The following MACROD2 variants were observed in gnomAD, a reference collection of about 807,000 sequenced individuals.
MACROD2 encodes mono-ADP ribosylhydrolase 2.
In MACROD2, 36 loss-of-function variants were observed where a neutral mutation model predicts 70.4. That is an observed-to-expected ratio of 0.51 (90% CI 0.39 to 0.68). The LOEUF is 0.68. Among genes scored for constraint, MACROD2 ranks in the 30% least tolerant of loss-of-function variants. MACROD2 has a pLI of 0.00. For missense variants in MACROD2, 496 were observed against 538.4 expected (o/e 0.92, Z 0.78); for synonymous variants, 172 against 178.8 (o/e 0.96, Z 0.30).
At chr20:14,789,460 A>ATTTTTT (rs3045609) in intron 5 of MACROD2, among the ~76,000 whole-genome samples, 9,030 of 47,666 alleles carry the variant, frequency 0.19, 2,567 homozygotes, top group Non-Finnish European at 0.24. Context: ...GGTAGTGCAA[A>ATTTTTT]TTTTTTTTTT....
At chr20:14,051,376 T>C (rs1385335178) in intron 2 of MACROD2, among the ~76,000 whole-genome samples, 2 of 152,220 alleles carry the variant, frequency 1.3e-5, no homozygotes, top group Non-Finnish European at 2.9e-5. Flanking sequence ...ACCTATACTT[T>C]TCTTTATAAC....
At chr20:14,619,741 C>T (rs1983722367) in intron 4 of MACROD2, among the ~76,000 whole-genome samples, 1 of 152,034 alleles carries the variant, frequency 6.6e-6, no homozygotes, top group African/African-American at 2.4e-5. Context: ...ATCCATACTA[C>T]CTTGTAAGAT....
At chr20:15,660,039 C>A (rs1934360424) in intron 8 of MACROD2, among the ~76,000 whole-genome samples, 1 of 151,940 alleles carries the variant, frequency 6.6e-6, no homozygotes, top group Non-Finnish European at 1.5e-5. Context: ...TAGTTTGGGT[C>A]TTCATTGTAT....
At chr20:15,927,829 C>T (rs1158500045) in intron 10 of MACROD2, among the ~76,000 whole-genome samples, 1 of 152,164 alleles carries the variant, frequency 6.6e-6, no homozygotes, top group Non-Finnish European at 1.5e-5. Flanking sequence ...CATTCCCTCC[C>T]TCCTTTCCTT....
chr20:14,847,456 T>C (rs2073154764), intron 5 of MACROD2, among the ~76,000 whole-genome samples: 1 of 150,834 alleles, frequency 6.6e-6, no homozygotes, highest in African/African-American at 2.4e-5. Context: ...TTTGATTCCA[T>C]TTTTATTCAC....
At chr20:14,753,077 C>T (rs1490262290) in intron 5 of MACROD2, among the ~76,000 whole-genome samples, 1 of 152,100 alleles carries the variant, frequency 6.6e-6, no homozygotes, top group African/African-American at 2.4e-5. Context: ...GACACGTGCA[C>T]ATCCTCCCTG....
chr20:14,272,704 T>A (rs2082207814), intron 3 of MACROD2, among the ~76,000 whole-genome samples: 1 of 151,820 alleles, frequency 6.6e-6, no homozygotes, highest in Admixed American at 6.6e-5. Flanking sequence ...ACTGGCAAAT[T>A]GGATAAAGAG....
At chr20:15,146,833 G>T (rs2076233572) in intron 5 of MACROD2, among the ~76,000 whole-genome samples, 1 of 152,092 alleles carries the variant, frequency 6.6e-6, no homozygotes, top group Non-Finnish European at 1.5e-5. Flanking sequence ...TCATGAATTT[G>T]TCTTTGAGAA....
intron 6 of MACROD2, among the ~76,000 whole-genome samples, chr20:15,258,828 T>C (rs1447171379): frequency 1.3e-5 from 2 of 152,066 alleles, no homozygotes; most frequent in Non-Finnish European, 2.9e-5. Context: ...AGTAAAGTGA[T>C]AGAACCAGTT....
At chr20:16,039,423 T>C (rs546852484) in intron 15 of MACROD2, among the ~76,000 whole-genome samples, 7 of 151,964 alleles carry the variant, frequency 4.6e-5, no homozygotes, top group Non-Finnish European at 1.0e-4. Context: ...TTCATCTCCA[T>C]TTTTAAAAGG....
intron 8 of MACROD2, among the ~76,000 whole-genome samples, chr20:15,503,324 A>T (rs528654627): frequency 6.6e-6 from 1 of 152,246 alleles, no homozygotes. Flanking sequence ...TAGATATCTA[A>T]TGAAGATTTC....
intron 5 of MACROD2, among the ~76,000 whole-genome samples, chr20:15,124,631 A>C (rs1193635778): frequency 6.6e-6 from 1 of 152,056 alleles, no homozygotes; most frequent in Non-Finnish European, 1.5e-5. Flanking sequence ...TTTTTGAGAT[A>C]TCTCCTTACC....
chr20:14,023,711 G>A (rs974733803), intron 2 of MACROD2, among the ~76,000 whole-genome samples: 12 of 152,152 alleles, frequency 7.9e-5, no homozygotes, highest in African/African-American at 2.9e-4. Context: ...GATGGCTGTA[G>A]ATGTGTGGCA....
At chr20:14,239,681 A>T (rs2081911804) in intron 3 of MACROD2, among the ~76,000 whole-genome samples, 1 of 152,178 alleles carries the variant, frequency 6.6e-6, no homozygotes. Context: ...ACAAAAATCA[A>T]CTCAAGATGG....
At chr20:15,694,255 G>C (rs936871371) in intron 8 of MACROD2, among the ~76,000 whole-genome samples, 1 of 152,090 alleles carries the variant, frequency 6.6e-6, no homozygotes, top group African/African-American at 2.4e-5. Context: ...TGGATCAAAT[G>C]GTAGTTCTAC....
chr20:15,095,058 C>CTTTTTTTTT (rs1568570303), intron 5 of MACROD2, among the ~76,000 whole-genome samples: 1 of 58,048 alleles, frequency 1.7e-5, no homozygotes, highest in Admixed American at 2.3e-4. Flanking sequence ...ACTGTGGTCT[C>CTTTTTTTTT]CTCTTCTTTT....
At chr20:15,944,555 C>A (rs1330340966) in intron 12 of MACROD2, among the ~76,000 whole-genome samples, 1 of 151,964 alleles carries the variant, frequency 6.6e-6, no homozygotes, top group East Asian at 1.9e-4. Flanking sequence ...TGTTTATATT[C>A]TTATCCAGTC....
At chr20:15,369,490 AT>A (rs11358970) in intron 6 of MACROD2, among the ~76,000 whole-genome samples, 1,754 of 152,250 alleles carry the variant, frequency 0.012, 31 homozygotes, top group African/African-American at 0.04. Flanking sequence ...GAAAAATGTT[AT>A]GTTTTATCTC....
intron 6 of MACROD2, among the ~76,000 whole-genome samples, chr20:15,428,405 G>A (rs146257771): frequency 2.2e-4 from 33 of 152,204 alleles, no homozygotes; most frequent in Non-Finnish European, 4.1e-4. Context: ...TCAAAGGCAC[G>A]TAAAAAAAGG....
Sources: gnomAD v4.1 joint callset for allele counts (sites outside exome capture counted in the v4.1 genomes callset) on GRCh38, gnomAD v4.1.1 for gene constraint, MANE v1.5 for transcripts, NCBI Gene and HGNC (gene_info 2026-07-23, HGNC 2026-07-21) for gene names.